The following PPP1R12B variants were observed in gnomAD, a reference collection of about 807,000 sequenced individuals.
PPP1R12B encodes myosin phosphatase target subunit 2.
PPP1R12B carries 76 observed loss-of-function variants against 126.1 expected under a neutral mutation model. The observed-to-expected ratio is 0.60, with a 90% confidence interval of 0.50 to 0.73. The LOEUF (loss-of-function observed/expected upper bound fraction) is 0.73, where lower values mean the gene tolerates loss of function less well. Among genes scored for constraint, PPP1R12B ranks in the 30% least tolerant of loss-of-function variants. The probability of loss-of-function intolerance (pLI) is 0.00; values close to 1 mark genes in which losing one functional copy is unlikely to be tolerated. For missense variants in PPP1R12B, 1,052 were observed against 1,205.1 expected (o/e 0.87, Z 1.88); for synonymous variants, 356 against 434.7 (o/e 0.82, Z 2.25).
intron 18 of PPP1R12B, among the ~76,000 whole-genome samples, chr1:202,541,952 G>C (rs965626037): frequency 3.9e-5 from 6 of 152,172 alleles, no homozygotes; most frequent in Non-Finnish European, 7.3e-5. Flanking sequence ...GTCACTGGCC[G>C]TGGATTCCTA....
chr1:202,472,083 G>A (rs1331629315), intron 13 of PPP1R12B: 23 of 1,590,386 alleles, frequency 1.4e-5, no homozygotes, highest in Non-Finnish European at 1.9e-5. Context: ...CTCCTCTTCT[G>A]GAGAGGGATG....
chr1:202,376,036 T>C (rs1661132536), intron 1 of PPP1R12B, among the ~76,000 whole-genome samples: 1 of 152,212 alleles, frequency 6.6e-6, no homozygotes, highest in Non-Finnish European at 1.5e-5. Flanking sequence ...GAATAAAGAT[T>C]TGTTCAATGA....
Position 202,569,207 on chromosome 1 carries a change from G to T in PPP1R12B, c.2862+10G>T, listed in dbSNP as rs372668990. The T allele has an allele frequency of 3.7e-6, 6 of 1,611,750 alleles. No individual in the cohort carries two copies. Among genetic ancestry groups the T allele is most frequent in the South Asian group, 3.3e-5 (3 of 90,998 alleles). ...GGAGGAAGAAATGAAGGTATGAAGA[G>T]ATTTTCTTTCTTTTTGTATGCCTGT... On this transcript the variant is annotated intron_variant, in intron 23 of 23. Coordinates refer to ENST00000608999, the MANE Select transcript of PPP1R12B (RefSeq NM_002481.4).
At chr1:202,491,826 A>T (rs2148847501) in intron 14 of PPP1R12B, among the ~76,000 whole-genome samples, 1 of 152,346 alleles carries the variant, frequency 6.6e-6, no homozygotes, top group Admixed American at 6.5e-5. Context: ...GATTCTCAGT[A>T]GTCTTCATGA....
At chr1:202,406,217 A>G (rs1013804063) in intron 1 of PPP1R12B, among the ~76,000 whole-genome samples, 1 of 152,240 alleles carries the variant, frequency 6.6e-6, no homozygotes, top group African/African-American at 2.4e-5. Context: ...CTACATGCCA[A>G]CTTGGCAGCA....
intron 18 of PPP1R12B, among the ~76,000 whole-genome samples, chr1:202,510,608 G>A (rs1002349175): frequency 7.9e-5 from 12 of 152,056 alleles, no homozygotes; most frequent in African/African-American, 2.9e-4. Context: ...ATTTAACCCA[G>A]AGTACCAAAT....
chr1:202,539,297 C>A (rs1028300902), intron 18 of PPP1R12B, among the ~76,000 whole-genome samples: 6 of 152,282 alleles, frequency 3.9e-5, no homozygotes, highest in African/African-American at 1.4e-4. Context: ...TAGAAGCTGG[C>A]AGGCTTTCTT....
At chr1:202,562,599 T>G in intron 19 of PPP1R12B, 179 bp from the exon 20 acceptor site, 1 of 793,582 alleles carries the variant, frequency 1.3e-6, no homozygotes, top group Non-Finnish European at 2.3e-6. Context: ...GCTCGTGCAG[T>G]TTAGCCCTGA....
intron 1 of PPP1R12B, among the ~76,000 whole-genome samples, chr1:202,357,197 A>G (rs902957647): frequency 1.3e-5 from 2 of 152,216 alleles, no homozygotes; most frequent in Admixed American, 6.5e-5. Flanking sequence ...GTTTTAAGCA[A>G]CTAAGTTTAT....
chr1:202,364,101 A>G (rs17491190), intron 1 of PPP1R12B, among the ~76,000 whole-genome samples: 23,387 of 152,146 alleles, frequency 0.15, 2,339 homozygotes, highest in Non-Finnish European at 0.22. Flanking sequence ...CCTAGAAAAA[A>G]GCTAAAGGAA....
rs575316016 is a variant in PPP1R12B at position 202,445,152 on chromosome 1, G to A, written c.1667+2580G>A. 225 of 1,246,602 alleles carry A rather than the reference G, an allele frequency of 1.8e-4. No individual in the cohort carries two copies. In the African/African-American group the frequency reaches 2.4e-3, roughly 13 times the overall value. The allele number at this position is 1,246,602 out of a possible 1,614,324, so 77.2% of individuals were successfully genotyped here. A position where few individuals can be genotyped will look rare whatever the true frequency, so the allele number is the denominator to read the frequency against. ...TACCATTGGTTCATCTACCTCTCGG[G>A]GCAGCCAGTGGCAACCTGCCTCTTC... is the stretch of plus-strand genomic sequence containing the variant. On this transcript the variant is annotated intron_variant, in intron 12 of 23. Transcript: ENST00000608999.
At chr1:202,517,912 C>T (rs1682349145) in intron 18 of PPP1R12B, among the ~76,000 whole-genome samples, 1 of 152,218 alleles carries the variant, frequency 6.6e-6, no homozygotes, top group African/African-American at 2.4e-5. Context: ...AGGCGTGAGC[C>T]ACTGCACCCA....
intron 1 of PPP1R12B, among the ~76,000 whole-genome samples, chr1:202,384,452 A>G (rs1312111670): frequency 6.6e-6 from 1 of 152,262 alleles, no homozygotes; most frequent in Admixed American, 6.5e-5. Context: ...AGTCAGACAC[A>G]ATAGGCTACA....
At chr1:202,405,868 T>G (rs1666532919) in intron 1 of PPP1R12B, among the ~76,000 whole-genome samples, 1 of 152,200 alleles carries the variant, frequency 6.6e-6, no homozygotes. Flanking sequence ...TAATAATATA[T>G]TATTAGCTTT....
At chr1:202,422,854 C>T in intron 3 of PPP1R12B, 116 bp downstream of exon 3, 1 of 1,419,660 alleles carries the variant, frequency 7.0e-7, no homozygotes, top group Non-Finnish European at 9.5e-7. Context: ...AGGATTTGAT[C>T]TGTCTGCACT....
chr1:202,377,422 C>T (rs557086235), intron 1 of PPP1R12B, among the ~76,000 whole-genome samples: 119 of 151,826 alleles, frequency 7.8e-4, no homozygotes, highest in African/African-American at 2.8e-3. Flanking sequence ...CCTGCCTCAG[C>T]CTCCCTAGCA....
rs189845982 is a variant in PPP1R12B, at chr1:202,394,529, C to T, written c.292-22258C>T. Among the ~76,000 whole-genome samples the T allele has an allele frequency of 5.3e-3, 801 of 152,006 alleles. 9 individuals carry two copies. Among genetic ancestry groups the T allele is most frequent in the African/African-American group, 0.018 (763 of 41,460 alleles). ...AAGCACTTTGGGAGGCCAAGGCGAGCGGATCACCTGAGGTTGGGAGTTCAA... is the reference window on the plus strand; with the variant it reads ...AAGCACTTTGGGAGGCCAAGGCGAGTGGATCACCTGAGGTTGGGAGTTCAA... On this transcript the variant is annotated intron_variant, in intron 1 of 23. Transcript: ENST00000608999.
chr1:202,364,801 C>T (rs989874867), intron 1 of PPP1R12B, among the ~76,000 whole-genome samples: 1 of 152,152 alleles, frequency 6.6e-6, no homozygotes, highest in Non-Finnish European at 1.5e-5. Flanking sequence ...TGATCTCGAT[C>T]TCCTGACCTC....
At chr1:202,540,992 C>A (rs1403603958) in intron 18 of PPP1R12B, among the ~76,000 whole-genome samples, 3 of 152,166 alleles carry the variant, frequency 2.0e-5, no homozygotes. Flanking sequence ...TGGGCATTTG[C>A]ATCTGATTTA....
Sources: allele counts gnomAD v4.1 joint callset (sites outside exome capture counted in the v4.1 genomes callset), GRCh38; gene constraint gnomAD v4.1.1; transcripts MANE v1.5; gene names NCBI Gene and HGNC (gene_info 2026-07-23, HGNC 2026-07-21).